MGA: variants seen among roughly 807,000 people sequenced by gnomAD.
MGA encodes MAX dimerization protein MGA, also known as MAX gene-associated protein.
In MGA, 40 loss-of-function variants were observed where a neutral mutation model predicts 261.1. That is an observed-to-expected ratio of 0.15 (90% confidence interval 0.12 to 0.20). The LOEUF is 0.20. Ranked by LOEUF, MGA falls within the 10% of genes least tolerant of loss-of-function variation. MGA has a pLI of 1.00. For synonymous variants in MGA, 1,302 were observed against 1,290.6 expected, an observed-to-expected ratio of 1.01 and a Z score of -0.19; for missense variants, 3,397 against 3,630.5, an observed-to-expected ratio of 0.94 and a Z score of 1.65.
chr15:41,726,566 C>G (rs1434840129), intron 9 of MGA, among the ~76,000 whole-genome samples: 2 of 151,678 alleles, frequency 1.3e-5, no homozygotes, highest in Non-Finnish European at 2.9e-5. Context: ...CCATCTCTAC[C>G]AAAAATATAA....
upstream of MGA, among the ~76,000 whole-genome samples, chr15:41,655,816 G>A (rs2057155564): frequency 6.6e-6 from 1 of 152,136 alleles, no homozygotes; most frequent in Admixed American, 6.5e-5. Context: ...CTACCCCTTT[G>A]GGAAATGTTT....
chr15:41,621,854 G>T (rs915637160), intron 1 of MGA, among the ~76,000 whole-genome samples: 10 of 152,194 alleles, frequency 6.6e-5, no homozygotes, highest in African/African-American at 2.4e-4. Context: ...GCGGTCTTTC[G>T]AAGCGCGTGT....
In MGA at chr15:41,749,094, CTT is replaced by C. The variant is rs1281241061; in HGVS notation, c.5504-16_5504-15del. ...GCAGTCATGATTTAAAAATTTCTCT[CTT>C]ATTTTTTAAACCAGGGTCTGTGATG... On this transcript the variant is annotated splice_polypyrimidine_tract_variant and intron_variant, in intron 16 of 23. Transcript: ENST00000219905. 1 of 1,590,994 alleles carries C rather than the reference CTT, an allele frequency of 6.3e-7. No individual in the cohort carries two copies. Among genetic ancestry groups the C allele is most frequent in the Non-Finnish European group, 8.6e-7 (1 of 1,169,432 alleles).
chr15:41,665,980 G>A (rs2057712847), intron 1 of MGA, among the ~76,000 whole-genome samples: 1 of 151,426 alleles, frequency 6.6e-6, no homozygotes, highest in African/African-American at 2.4e-5. Flanking sequence ...CAGTGATATG[G>A]TTATGGCTCA....
At chr15:41,760,626 A>G in intron 20 of MGA, 97 bp downstream of exon 20, 3 of 1,215,888 alleles carry the variant, frequency 2.5e-6, no homozygotes, top group Admixed American at 2.1e-5. Context: ...GGAGATTGAA[A>G]TAGAGCTGCT....
chr15:41,653,637 G>C (rs2057110992), intron 1 of MGA, among the ~76,000 whole-genome samples: 2 of 150,928 alleles, frequency 1.3e-5, no homozygotes, highest in African/African-American at 4.9e-5. Context: ...GAGCCCAGGA[G>C]GTTGAAGCTG....
In MGA at chr15:41,708,216, G is replaced by C; in HGVS notation, c.2425+8G>C. The C allele has an allele frequency of 1.3e-6, 2 of 1,542,472 alleles. No homozygotes were observed. The highest frequency in any genetic ancestry group is 8.8e-7 in the Non-Finnish European group (1 of 1,140,754). On this transcript the variant is annotated splice_region_variant and intron_variant, in intron 7 of 23. Coordinates refer to ENST00000219905, the MANE Select transcript of MGA (RefSeq NM_001164273.2). ...CTGCATCTAGGAATGAAGGTAATTA[G>C]TTTTTTAAAATTTTTTAAATGTTCT...
At position 41,715,511 on chromosome 15, in the gene MGA, T is replaced by TA. The variant is rs926698454; in HGVS notation, c.3430+2023dup. The stretch of plus-strand genomic sequence containing the variant: ...ATTTCTTCTAGTACTTTTTTGGACT[T>TA]AAAAAAAATAAGTTGTTAATATAGC... On this transcript the variant is annotated intron_variant, in intron 9 of 23. Coordinates refer to ENST00000219905, the MANE Select transcript of MGA (RefSeq NM_001164273.2). 1.7e-4 allele frequency among the ~76,000 whole-genome samples: 26 copies of TA among 151,906 alleles called. 1 individual carries two copies. Among genetic ancestry groups the TA allele is most frequent in the Admixed American group, 9.8e-4 (15 of 15,238 alleles).
intron 2 of MGA, among the ~76,000 whole-genome samples, chr15:41,681,513 T>C (rs2058679759): frequency 6.6e-6 from 1 of 151,740 alleles, no homozygotes; most frequent in African/African-American, 2.4e-5. Context: ...GTGTAGTGGG[T>C]GATCACAGTT....
chr15:41,709,439 C>T (rs1287350869), intron 7 of MGA, among the ~76,000 whole-genome samples: 1 of 152,052 alleles, frequency 6.6e-6, no homozygotes, highest in African/African-American at 2.4e-5. Context: ...TCCAGGCATT[C>T]CAGTCTTTCT....
intron 1 of MGA, among the ~76,000 whole-genome samples, chr15:41,626,135 A>G (rs2056444762): frequency 6.6e-6 from 1 of 152,202 alleles, no homozygotes; most frequent in Admixed American, 6.5e-5. Flanking sequence ...TTAGACATAC[A>G]CTGGGGGATC....
chr15:41,629,848 T>C (rs1165967182), intron 1 of MGA, among the ~76,000 whole-genome samples: 1 of 152,220 alleles, frequency 6.6e-6, no homozygotes, highest in Non-Finnish European at 1.5e-5. Flanking sequence ...GATTGTAATA[T>C]ATACTTAAAT....
intron 1 of MGA, among the ~76,000 whole-genome samples, chr15:41,640,673 C>T (rs1023381105): frequency 6.6e-6 from 1 of 152,126 alleles, no homozygotes; most frequent in Non-Finnish European, 1.5e-5. Flanking sequence ...CATACGCCAC[C>T]ACATCCAGCT....
intron 5 of MGA, among the ~76,000 whole-genome samples, chr15:41,703,094 A>G (rs879432023): frequency 1.3e-4 from 20 of 152,134 alleles, no homozygotes; most frequent in Admixed American, 7.2e-4. Flanking sequence ...TTTTTACCCA[A>G]TGTCCTTTTT....
At chr15:41,725,925 T>A (rs1567038172) in intron 9 of MGA, among the ~76,000 whole-genome samples, 1 of 152,096 alleles carries the variant, frequency 6.6e-6, no homozygotes. Flanking sequence ...TTAATTTAGT[T>A]AAGTAATCAA....
At chr15:41,717,432 A>G (rs888143868) in intron 9 of MGA, among the ~76,000 whole-genome samples, 2 of 152,242 alleles carry the variant, frequency 1.3e-5, no homozygotes, top group Non-Finnish European at 2.9e-5. Context: ...ACTAATTACC[A>G]TTATTAGGAA....
Position 41,669,162 on chromosome 15 carries a change from C to T in MGA, c.268C>T (p.His90Tyr), listed in dbSNP as rs777880782. The T allele has an allele frequency of 6.2e-7, 1 of 1,613,996 alleles. No homozygotes were observed. Among genetic ancestry groups the T allele is most frequent in the East Asian group, 2.2e-5 (1 of 44,886 alleles). Reference sequence around the variant, plus strand: ...CAATAGTATGTGGAATGAGTTCTATCATCGAAGCACAGAGATGATTCTGAC... The same window carrying T: ...CAATAGTATGTGGAATGAGTTCTATTATCGAAGCACAGAGATGATTCTGAC... The change falls in exon 2 of 24, where the codon CAT becomes TAT. Residue 90 changes from histidine to tyrosine, a missense_variant. Around this residue, in one of 9 missense-constraint regions of MGA, gnomAD observed 104 missense variants for 212.9 expected, o/e 0.49. Coordinates refer to ENST00000219905, the MANE Select transcript of MGA (RefSeq NM_001164273.2).
At chr15:41,657,339 C>CTTT (rs373920516), upstream of MGA, among the ~76,000 whole-genome samples, 9 of 106,916 alleles carry the variant, frequency 8.4e-5, no homozygotes, top group African/African-American at 3.9e-4. Context: ...AGTGAAGGCC[C>CTTT]TTTTTTTTTT....
At chr15:41,658,158 T>C (rs2057246534), upstream of MGA, among the ~76,000 whole-genome samples, 1 of 152,202 alleles carries the variant, frequency 6.6e-6, no homozygotes, top group African/African-American at 2.4e-5. Flanking sequence ...TTTTTGTTTG[T>C]TTCCCCTTAA....
Sources: gnomAD v4.1 joint callset for allele counts (sites outside exome capture counted in the v4.1 genomes callset) on GRCh38, gnomAD v4.1.1 for gene constraint, gnomAD v4.1.1 regional missense constraint, MANE v1.5 for transcripts, NCBI Gene and HGNC (gene_info 2026-07-23, HGNC 2026-07-21) for gene names.